Variants in MTMR2 observed in about 807,000 individuals in gnomAD.
MTMR2 encodes the protein myotubularin related protein 2.
A neutral mutation model predicts 86.9 loss-of-function variants in MTMR2; 55 were observed. The ratio of observed to expected loss-of-function variants is 0.63; its 90% CI spans 0.51 to 0.79. The LOEUF is 0.79. MTMR2 is among the 30% of genes least tolerant of loss of function. The pLI, the probability that MTMR2 is intolerant of heterozygous loss-of-function variation, is 0.00. For synonymous variants in MTMR2, 241 were observed against 266.8 expected (o/e 0.90, Z 0.94); for missense variants, 659 against 772.3 (o/e 0.85, Z 1.74).
chr11:95,916,965 T>C (rs1866734746), intron 1 of MTMR2, among the ~76,000 whole-genome samples: 1 of 151,618 alleles, frequency 6.6e-6, no homozygotes, highest in Non-Finnish European at 1.5e-5. Context: ...CAGGCACAAT[T>C]AGCTTTGCAT....
intron 7 of MTMR2, among the ~76,000 whole-genome samples, chr11:95,855,298 C>T (rs1864169505): frequency 6.6e-6 from 1 of 152,152 alleles, no homozygotes; most frequent in Non-Finnish European, 1.5e-5. Context: ...CACTATTGCC[C>T]AAGCTTGAGT....
intron 2 of MTMR2, among the ~76,000 whole-genome samples, chr11:95,882,196 CAT>C (rs1456442618): frequency 6.6e-6 from 1 of 151,774 alleles, no homozygotes; most frequent in East Asian, 1.9e-4. Context: ...CATTCATGGA[CAT>C]AGTCTAATAA....
chr11:95,895,469 A>C (rs1299724013), intron 1 of MTMR2, among the ~76,000 whole-genome samples: 1 of 152,166 alleles, frequency 6.6e-6, no homozygotes, highest in Non-Finnish European at 1.5e-5. Context: ...AAACAGATAA[A>C]AGGCTGTAAT....
intron 1 of MTMR2, among the ~76,000 whole-genome samples, chr11:95,900,622 A>G (rs1329448637): frequency 3.5e-5 from 5 of 143,696 alleles, no homozygotes; most frequent in African/African-American, 1.2e-4. Context: ...CCTTTTGTAG[A>G]TAACATTTTT....
chr11:95,913,798 C>T (rs916434234), intron 1 of MTMR2, among the ~76,000 whole-genome samples: 5 of 151,872 alleles, frequency 3.3e-5, no homozygotes, highest in South Asian at 4.2e-4. Context: ...GGAAGGAAGG[C>T]GGCTAACTAA....
At chr11:95,915,177 G>C (rs1195286496) in intron 1 of MTMR2, among the ~76,000 whole-genome samples, 2 of 152,032 alleles carry the variant, frequency 1.3e-5, no homozygotes, top group Non-Finnish European at 2.9e-5. Context: ...TTTTATTTTT[G>C]AACTTTGCTG....
intron 1 of MTMR2, among the ~76,000 whole-genome samples, chr11:95,911,022 A>G (rs1421123442): frequency 6.6e-6 from 1 of 152,218 alleles, no homozygotes; most frequent in African/African-American, 2.4e-5. Flanking sequence ...AATTATGTTT[A>G]AAAATGCTGT....
At chr11:95,846,366 A>G (rs1863792166) in intron 10 of MTMR2, among the ~76,000 whole-genome samples, 1 of 152,196 alleles carries the variant, frequency 6.6e-6, no homozygotes, top group Non-Finnish European at 1.5e-5. Context: ...TGCTTACTGA[A>G]GTTTACATTC....
intron 1 of MTMR2, among the ~76,000 whole-genome samples, chr11:95,919,642 T>C (rs1450628676): frequency 2.0e-5 from 3 of 152,190 alleles, no homozygotes; most frequent in African/African-American, 7.2e-5. Flanking sequence ...CCTCATTGTG[T>C]GTAGGACTGG....
Position 95,858,616 on chromosome 11 carries a change from C to A in MTMR2, c.485G>T (p.Arg162Leu). 1 of 1,609,042 alleles carries A rather than the reference C, an allele frequency of 6.2e-7. No individual in the cohort carries two copies. The highest frequency in any genetic ancestry group is 8.5e-7 in the Non-Finnish European group (1 of 1,175,828). ...ETVCKDIRNL[R>L]FAHKPEGRTR... ...CCGCCCCTCAGGTTTATGAGCAAAT[C>A]GTAAATTCCTAATATCCTAGAAAAG... is the stretch of plus-strand genomic sequence containing the variant. The change falls in exon 6 of 15, where the codon CGA becomes CTA. Residue 162 changes from arginine to leucine, a missense_variant. By Grantham distance (102) the Arg-to-Leu change is moderately radical (BLOSUM62 -2). Coordinates refer to ENST00000346299, the MANE Select transcript of MTMR2 (RefSeq NM_016156.6).
chr11:95,869,951 A>G (rs1024623850), intron 2 of MTMR2, among the ~76,000 whole-genome samples: 3 of 152,182 alleles, frequency 2.0e-5, no homozygotes, highest in East Asian at 1.9e-4. Flanking sequence ...GACAAGTTCT[A>G]TATCTTGACA....
intron 2 of MTMR2, among the ~76,000 whole-genome samples, chr11:95,876,111 C>T (rs1865100549): frequency 6.6e-6 from 1 of 152,218 alleles, no homozygotes; most frequent in Non-Finnish European, 1.5e-5. Context: ...GGGAGAACCA[C>T]TACTCTCTTC....
Position 95,856,799 on chromosome 11 carries a change from A to G in MTMR2, c.654+753T>C, listed in dbSNP as rs554146730. Reference sequence around the variant, plus strand: ...GACAGCAATTTCTTCCCAGATTCTCAAAGAGTAGTCCTCATTTTTATAATT... The same window carrying G: ...GACAGCAATTTCTTCCCAGATTCTCGAAGAGTAGTCCTCATTTTTATAATT... On this transcript the variant is annotated intron_variant, in intron 7 of 14. Coordinates refer to ENST00000346299, the MANE Select transcript of MTMR2 (RefSeq NM_016156.6). Among the ~76,000 whole-genome samples the G allele has an allele frequency of 2.0e-5, 3 of 152,244 alleles. No individual in the cohort carries two copies. The South Asian group carries it at 6.2e-4, about 32-fold the overall frequency.
At chr11:95,891,205 C>T (rs1865702021) in intron 1 of MTMR2, among the ~76,000 whole-genome samples, 1 of 151,958 alleles carries the variant, frequency 6.6e-6, no homozygotes, top group Admixed American at 6.6e-5. Flanking sequence ...AATCCCAGCA[C>T]TTTGGAAGGC....
intron 2 of MTMR2, among the ~76,000 whole-genome samples, chr11:95,883,960 A>T (rs930932688): frequency 2.0e-5 from 3 of 152,216 alleles, no homozygotes; most frequent in Non-Finnish European, 4.4e-5. Context: ...AAAAGCTATT[A>T]CTAAAGGAGC....
intron 1 of MTMR2, chr11:95,914,146 G>C (rs1004997095): frequency 1.0e-6 from 1 of 970,064 alleles, no homozygotes. Context: ...TTACTCATAA[G>C]TGCAAATTTC....
At chr11:95,871,128 A>G (rs973494872) in intron 2 of MTMR2, among the ~76,000 whole-genome samples, 166 of 152,142 alleles carry the variant, frequency 1.1e-3, no homozygotes, top group African/African-American at 3.5e-3. Flanking sequence ...TCTGAATCCA[A>G]TCTATCATTG....
intron 1 of MTMR2, among the ~76,000 whole-genome samples, chr11:95,889,509 CT>C (rs1231225299): frequency 7.3e-5 from 9 of 123,134 alleles, no homozygotes; most frequent in South Asian, 2.6e-4. Context: ...AAAATTATGT[CT>C]TTTTTGGGGG....
intron 1 of MTMR2, among the ~76,000 whole-genome samples, chr11:95,898,515 AAC>A (rs573847198): frequency 1.3e-5 from 2 of 151,916 alleles, no homozygotes; most frequent in Non-Finnish European, 2.9e-5. Flanking sequence ...TGTCTCTACA[AAC>A]ACACACACAC....
Sources: gnomAD v4.1 joint callset for allele counts (sites outside exome capture counted in the v4.1 genomes callset) on GRCh38, gnomAD v4.1.1 for gene constraint, MANE v1.5 for transcripts, NCBI Gene and HGNC (gene_info 2026-07-23, HGNC 2026-07-21) for gene names.